AGBL1: variants seen among roughly 807,000 people sequenced by gnomAD.
AGBL1 encodes cytosolic carboxypeptidase 4.
A neutral mutation model predicts 118.9 loss-of-function variants in AGBL1; 130 were observed. The observed-to-expected ratio is 1.09, with a 90% CI of 0.95 to 1.26. The LOEUF (loss-of-function observed/expected upper bound fraction) is 1.26. Ranked by LOEUF, AGBL1 falls within the 50% of genes most tolerant of loss-of-function variation. AGBL1 has a pLI of 0.00. For missense variants in AGBL1, 1,584 were observed against 1,298.1 expected (o/e 1.22, Z -3.38); for synonymous variants, 555 against 478.9 (o/e 1.16, Z -2.08).
At chr15:86,454,189 A>G (rs1309501114) in intron 18 of AGBL1, among the ~76,000 whole-genome samples, 3 of 152,126 alleles carry the variant, frequency 2.0e-5, no homozygotes, top group Non-Finnish European at 4.4e-5. Flanking sequence ...AGAGGTGCAC[A>G]CTGTGGTGGC....
chr15:86,328,197 C>G (rs906181950), intron 17 of AGBL1, among the ~76,000 whole-genome samples: 1 of 152,252 alleles, frequency 6.6e-6, no homozygotes, highest in African/African-American at 2.4e-5. Context: ...CATGAGAGAT[C>G]AAGTTAATGC....
chr15:86,466,621 G>T (rs1439929026), intron 18 of AGBL1, among the ~76,000 whole-genome samples: 2 of 152,180 alleles, frequency 1.3e-5, no homozygotes, highest in Non-Finnish European at 2.9e-5. Flanking sequence ...TTTCCTCATT[G>T]TCATGGATTT....
At chr15:86,131,757 TG>T (rs1288249133) in intron 1 of AGBL1, among the ~76,000 whole-genome samples, 1 of 151,932 alleles carries the variant, frequency 6.6e-6, no homozygotes, top group African/African-American at 2.4e-5. Context: ...AAGGCCAGCC[TG>T]GGCAACATGG....
At chr15:86,823,550 C>T (rs962604128) in intron 22 of AGBL1, among the ~76,000 whole-genome samples, 5 of 152,132 alleles carry the variant, frequency 3.3e-5, no homozygotes, top group African/African-American at 9.7e-5. Context: ...AAAATACAGC[C>T]TTGCTCTAGG....
intron 22 of AGBL1, among the ~76,000 whole-genome samples, chr15:86,800,015 G>T (rs189826593): frequency 1.3e-5 from 2 of 152,060 alleles, no homozygotes; most frequent in Non-Finnish European, 2.9e-5. Flanking sequence ...CCTTTTGAGA[G>T]CGTCAAGTGG....
rs371570012 is a variant in AGBL1 at position 86,131,667 on chromosome 15, G to A, written c.52-10337G>A. Among the ~76,000 whole-genome samples the A allele has an allele frequency of 1.4e-4, 21 of 152,234 alleles. 2 individuals are homozygous for A. The East Asian group carries it at 2.9e-3, about 21-fold the overall frequency. On this transcript the variant is annotated intron_variant, in intron 1 of 22. Transcript: ENST00000614907. ...CCGAATGGTAATAATCATAATATTG[G>A]CCAGGTGCGGTGGCTCACGCCTGTA...
chr15:86,890,204 A>T (rs983948797), intron 22 of AGBL1, among the ~76,000 whole-genome samples: 7 of 152,154 alleles, frequency 4.6e-5, no homozygotes, highest in African/African-American at 1.7e-4. Flanking sequence ...TTCTTTTGAG[A>T]AGTGTCTGTT....
chr15:86,605,293 C>G (rs1014314149), intron 21 of AGBL1, among the ~76,000 whole-genome samples: 3 of 151,838 alleles, frequency 2.0e-5, no homozygotes, highest in African/African-American at 7.3e-5. Flanking sequence ...GGTTTTCTGT[C>G]CTGTTGGTGA....
intron 6 of AGBL1, among the ~76,000 whole-genome samples, chr15:86,244,098 A>T (rs201535525): frequency 7.0e-6 from 1 of 143,362 alleles, no homozygotes. Context: ...TATATATATA[A>T]GTAAATAGAC....
chr15:86,548,465 CT>C (rs2083616864), intron 20 of AGBL1, among the ~76,000 whole-genome samples: 1 of 152,040 alleles, frequency 6.6e-6, no homozygotes, highest in Admixed American at 6.6e-5. Context: ...AAAAGCAGCC[CT>C]TTTAGGACTC....
chr15:86,791,535 C>A (rs2078493240), intron 22 of AGBL1, among the ~76,000 whole-genome samples: 1 of 152,056 alleles, frequency 6.6e-6, no homozygotes, highest in Non-Finnish European at 1.5e-5. Context: ...GAAGTAAAGT[C>A]AGCTGGAACT....
chr15:86,814,336 A>G (rs2078831121), intron 22 of AGBL1, among the ~76,000 whole-genome samples: 1 of 152,138 alleles, frequency 6.6e-6, no homozygotes, highest in African/African-American at 2.4e-5. Context: ...CCACTCTACC[A>G]TCTGTGGAAA....
rs187503331 is a variant in AGBL1 at position 86,900,212 on chromosome 15, G to T, written c.3159-6875G>T. On this transcript the variant is annotated intron_variant, in intron 22 of 22. Transcript: ENST00000614907. ...CTGGCTTTCTGGCTCCTCAGCTTGT[G>T]GATGGCCTATTGTGGGACTTCACCT... 5.5e-4 allele frequency among the ~76,000 whole-genome samples: 83 copies of T among 152,196 alleles called. No homozygotes were observed. In the East Asian group the frequency reaches 0.013, roughly 24 times the overall value.
chr15:86,272,358 T>C (rs2079175306), intron 15 of AGBL1, among the ~76,000 whole-genome samples: 1 of 152,160 alleles, frequency 6.6e-6, no homozygotes, highest in Admixed American at 6.5e-5. Context: ...AGATGAAAAA[T>C]AAAATTCAAA....
chr15:86,456,553 G>A (rs1055520181), intron 18 of AGBL1, among the ~76,000 whole-genome samples: 1 of 152,126 alleles, frequency 6.6e-6, no homozygotes, highest in African/African-American at 2.4e-5. Context: ...GCCTTCAAAG[G>A]GCTAGAGAGG....
At chr15:87,030,468 T>C (rs2081773168), downstream of AGBL1, among the ~76,000 whole-genome samples, 1 of 152,024 alleles carries the variant, frequency 6.6e-6, no homozygotes, top group Non-Finnish European at 1.5e-5. Flanking sequence ...TCTCATTCTA[T>C]TTACAACTCT....
chr15:86,895,674 T>G (rs1347059530), intron 22 of AGBL1, among the ~76,000 whole-genome samples: 1 of 152,058 alleles, frequency 6.6e-6, no homozygotes, highest in Non-Finnish European at 1.5e-5. Flanking sequence ...AAATTAAGCT[T>G]TAAATTTAGA....
Position 86,264,344 on chromosome 15 carries a change from A to T in AGBL1, c.1173A>T (p.Ser391=), listed in dbSNP as rs1462867348. ...ACCACATTCCAGCCGCTGCCTCCTC[A>T]AAACAGCATTGCTACAGCAAGGACC... ...NHHHIPAAAS[S]KQHCYSKDQS... Residue 391 remains serine, a synonymous_variant, in exon 11 of 23, where the codon TCA becomes TCT. Coordinates refer to ENST00000614907, the MANE Select transcript of AGBL1 (RefSeq NM_001386094.1). 1.9e-6 allele frequency: 3 copies of T among 1,613,190 alleles called. No homozygotes were observed. The highest frequency in any genetic ancestry group is 1.7e-6 in the Non-Finnish European group (2 of 1,179,522).
chr15:86,193,919 A>T (rs75523907), intron 5 of AGBL1, among the ~76,000 whole-genome samples: 1 of 152,198 alleles, frequency 6.6e-6, no homozygotes, highest in Non-Finnish European at 1.5e-5. Context: ...TCAGGCCAAG[A>T]GAGAGGCATA....
Sources: allele counts gnomAD v4.1 joint callset (sites outside exome capture counted in the v4.1 genomes callset), GRCh38; gene constraint gnomAD v4.1.1; transcripts MANE v1.5; gene names NCBI Gene and HGNC (gene_info 2026-07-23, HGNC 2026-07-21).